The following PCF11 variants were observed in gnomAD, a reference collection of about 807,000 sequenced individuals.
PCF11 encodes the protein pre-mRNA cleavage complex 2 protein Pcf11.
A neutral mutation model predicts 166.1 loss-of-function variants in PCF11; 19 were observed. The ratio of observed to expected loss-of-function variants is 0.11; its 90% CI spans 0.08 to 0.17. The LOEUF is 0.17. Ranked by LOEUF, PCF11 falls within the 10% of genes least tolerant of loss-of-function variation. The pLI is 1.00. For missense variants in PCF11, 1,565 were observed against 1,855.5 expected (o/e 0.84, Z 2.88); for synonymous variants, 663 against 644.1 (o/e 1.03, Z -0.44).
chr11:83,166,987 C>T (rs1860486931), intron 5 of PCF11, 138 bp from the exon 6 acceptor site: 1 of 716,408 alleles, frequency 1.4e-6, no homozygotes, highest in Admixed American at 3.0e-5. Context: ...ATTTTGTGCT[C>T]TTAATCATTT....
Position 83,183,120 on chromosome 11 carries a change from A to G in PCF11, c.4452+47A>G, listed in dbSNP as rs201925010. ...TATTTGTTCTCATTTGCATTAATAA[A>G]TTTTACTTTTCAGTTTTTTTTTTGC... is the stretch of plus-strand genomic sequence containing the variant. On this transcript the variant is annotated intron_variant, in intron 15 of 15. Transcript: ENST00000298281. 27 of 1,149,484 alleles carry G rather than the reference A, an allele frequency of 2.3e-5. No individual in the cohort carries two copies. In the African/African-American group the frequency reaches 2.8e-4, roughly 12 times the overall value. The allele number at this position is 1,149,484 out of a possible 1,614,324, so 71.2% of individuals were successfully genotyped here. A position where few individuals can be genotyped will look rare whatever the true frequency, so the allele number is the denominator to read the frequency against.
chr11:83,175,711 G>A (rs915790016), intron 9 of PCF11, among the ~76,000 whole-genome samples: 5 of 152,084 alleles, frequency 3.3e-5, no homozygotes, highest in Non-Finnish European at 5.9e-5. Context: ...CTGAGATCGT[G>A]CCCCTGCACT....
exon 16 of PCF11, chr11:83,185,036 A>G (rs1590943655): frequency 3.5e-6 from 2 of 566,584 alleles, no homozygotes; most frequent in Non-Finnish European, 6.0e-6. Flanking sequence ...TTTGGTTAAT[A>G]AATACATTTT....
chr11:83,160,581 A>T (rs116147315), intron 1 of PCF11, among the ~76,000 whole-genome samples: 251 of 152,008 alleles, frequency 1.7e-3, no homozygotes, highest in African/African-American at 5.8e-3. Context: ...ACAAATTTAT[A>T]ACCCCTGGTT....
intron 1 of PCF11, chr11:83,157,860 C>T (rs1590916420): frequency 1.8e-6 from 1 of 567,670 alleles, no homozygotes; most frequent in East Asian, 2.9e-5. Flanking sequence ...CTTTCCAACT[C>T]CCTTTTTAGG....
chr11:83,161,310 A>C lies in PCF11; in HGVS notation c.193-17A>C, dbSNP rs1476643196. On this transcript the variant is annotated splice_polypyrimidine_tract_variant and intron_variant, in intron 1 of 15. Coordinates refer to ENST00000298281, the Ensembl canonical transcript of PCF11. ...GGTAATTCATTATACTAAACTTCTC[A>C]GTTTCTTTTTATTCAGGCTCCTTCC... 1 of 1,578,786 alleles carries C rather than the reference A, an allele frequency of 6.3e-7. No individual in the cohort carries two copies.
chr11:83,163,323 T>C (rs1860327250), intron 2 of PCF11, among the ~76,000 whole-genome samples: 1 of 152,192 alleles, frequency 6.6e-6, no homozygotes, highest in Admixed American at 6.5e-5. Context: ...AGGTAATCAA[T>C]TTTTCTAGTT....
In PCF11 at chr11:83,182,056, C is replaced by T. The variant is rs529613459; in HGVS notation, c.4323+47C>T. The stretch of plus-strand genomic sequence containing the variant: ...TTTCTCACAGTGGGAGTGTCCCTCA[C>T]TTCCTTTATGTAAATACTCATAAAC... On this transcript the variant is annotated intron_variant, in intron 13 of 15. Transcript: ENST00000298281. 1.6e-5 allele frequency: 24 copies of T among 1,497,364 alleles called. No individual in the cohort carries two copies. In the East Asian group the frequency reaches 2.8e-4, roughly 17 times the overall value. 92.8% of individuals were successfully genotyped at this position (1,497,364 alleles called of 1,614,324 possible).
At chr11:83,182,930 T>G in intron 14 of PCF11, 108 bp from the exon 15 acceptor site, 1 of 744,308 alleles carries the variant, frequency 1.3e-6, no homozygotes, top group Non-Finnish European at 2.2e-6. Flanking sequence ...CAAATAATTT[T>G]TGTCTTCTTT....
chr11:83,183,820 C>T (rs1408291249), intron 15 of PCF11, among the ~76,000 whole-genome samples: 2 of 151,842 alleles, frequency 1.3e-5, no homozygotes, highest in Admixed American at 1.3e-4. Context: ...TGATCACATA[C>T]GGAATCTAAA....
chr11:83,163,206 C>T (rs560686082), intron 2 of PCF11, among the ~76,000 whole-genome samples: 1 of 152,312 alleles, frequency 6.6e-6, no homozygotes, highest in African/African-American at 2.4e-5. Context: ...TATCTTGTTC[C>T]TATGTACCCA....
Position 83,179,592 on chromosome 11 carries a change from A to G in PCF11, c.3984-1416A>G, listed in dbSNP as rs563361006. Among the ~76,000 whole-genome samples, 3 of 152,230 alleles carry G rather than the reference A, an allele frequency of 2.0e-5. No homozygotes were observed. In the South Asian group the frequency reaches 6.2e-4, roughly 32 times the overall value. ...GTTTCTTGATTTACCACATCTGGAC[A>G]TAATCTCTTAACTTTCTGAAAGTGA... On this transcript the variant is annotated intron_variant, in intron 11 of 15. Coordinates refer to ENST00000298281, the Ensembl canonical transcript of PCF11.
intron 15 of PCF11, 50 bp from the exon 16 acceptor site, chr11:83,184,629 G>C: frequency 8.1e-7 from 1 of 1,230,258 alleles, no homozygotes; most frequent in Admixed American, 1.9e-5. Context: ...GTTATTTAAT[G>C]TGAGAATTTT....
intron 11 of PCF11, among the ~76,000 whole-genome samples, chr11:83,178,384 G>A: frequency 6.6e-6 from 1 of 151,890 alleles, no homozygotes; most frequent in East Asian, 1.9e-4. Context: ...ATTAGGTATT[G>A]ATAATTCATG....
chr11:83,179,872 C>T (rs1028833472), intron 11 of PCF11, among the ~76,000 whole-genome samples: 2 of 150,972 alleles, frequency 1.3e-5, no homozygotes, highest in African/African-American at 2.4e-5. Flanking sequence ...GAGCTGAGAT[C>T]GGGCCACTGC....
At chr11:83,183,013 T>C (rs886918444) in intron 14 of PCF11, 25 bp from the exon 15 acceptor site, 2 of 1,293,080 alleles carry the variant, frequency 1.5e-6, no homozygotes, top group Non-Finnish European at 2.2e-6. Flanking sequence ...TACGCACATA[T>C]TTACTTTTTT....
At chr11:83,169,482 G>C (rs891661050) in exon 8 of PCF11, 1 of 1,613,696 alleles carries the variant, frequency 6.2e-7, no homozygotes, top group African/African-American at 1.3e-5. Flanking sequence ...CGTCACTCTT[G>C]CCAAGATTTG....
intron 2 of PCF11, among the ~76,000 whole-genome samples, chr11:83,162,537 T>A (rs1860298455): frequency 6.6e-6 from 1 of 152,234 alleles, no homozygotes; most frequent in Admixed American, 6.5e-5. Context: ...AGGAGAAGCT[T>A]AACCAACCTC....
At chr11:83,169,240 T>A in exon 8 of PCF11, 3 of 1,613,458 alleles carry the variant, frequency 1.9e-6, no homozygotes, top group Non-Finnish European at 2.5e-6. Context: ...TGGTCTGAGA[T>A]TTGAGGGACA....
Sources: allele counts gnomAD v4.1 joint callset (sites outside exome capture counted in the v4.1 genomes callset), GRCh38; gene constraint gnomAD v4.1.1; transcripts MANE v1.5; gene names NCBI Gene and HGNC (gene_info 2026-07-23, HGNC 2026-07-21).